The following FRMD4A variants were observed in gnomAD, a reference collection of about 807,000 sequenced individuals.
FRMD4A encodes the protein FERM domain-containing protein 4A.
Under a neutral mutation model 129.1 loss-of-function variants are expected in FRMD4A, and 29 were observed. The ratio of observed to expected loss-of-function variants is 0.22; its 90% confidence interval spans 0.17 to 0.31. The LOEUF is 0.31. FRMD4A is among the 10% of genes least tolerant of loss of function. FRMD4A has a pLI of 1.00. For synonymous variants in FRMD4A, 634 were observed against 571.6 expected (o/e 1.11, Z -1.56); for missense variants, 1,272 against 1,375.8 (o/e 0.92, Z 1.19).
intron 13 of FRMD4A, among the ~76,000 whole-genome samples, chr10:13,703,881 T>C (rs2087123126): frequency 6.6e-6 from 1 of 152,230 alleles, no homozygotes; most frequent in Non-Finnish European, 1.5e-5. Flanking sequence ...GGCGCACGCC[T>C]GTAGTCCCAG....
At chr10:13,904,140 G>A (rs572050420) in intron 2 of FRMD4A, among the ~76,000 whole-genome samples, 5 of 152,156 alleles carry the variant, frequency 3.3e-5, no homozygotes, top group Non-Finnish European at 5.9e-5. Flanking sequence ...GAACAGATGC[G>A]GAAGTGGCCT....
At chr10:13,657,775 T>C (rs548195628) in intron 21 of FRMD4A, among the ~76,000 whole-genome samples, 1 of 142,772 alleles carries the variant, frequency 7.0e-6, no homozygotes, top group South Asian at 2.2e-4. Flanking sequence ...CACAGAAAGG[T>C]TTCGATTTCT....
intron 2 of FRMD4A, among the ~76,000 whole-genome samples, chr10:14,140,707 T>A (rs550607814): frequency 1.1e-4 from 17 of 152,182 alleles, no homozygotes; most frequent in Non-Finnish European, 1.9e-4. Context: ...CCATCTTCCC[T>A]CTATATGCTT....
chr10:14,164,361 T>A (rs187994922), intron 2 of FRMD4A, among the ~76,000 whole-genome samples: 159 of 152,306 alleles, frequency 1.0e-3, no homozygotes, highest in African/African-American at 3.5e-3. Flanking sequence ...CGGGTCCCTG[T>A]GCTCTCCTCT....
In FRMD4A at chr10:14,029,345, G is replaced by A. The variant is rs568490377; in HGVS notation, c.46-170433C>T. 1.2e-4 allele frequency among the ~76,000 whole-genome samples: 18 copies of A among 152,124 alleles called. No homozygotes were observed. The South Asian group carries it at 1.7e-3, about 14-fold the overall frequency. ...TCCCTAGGGAAACGGTGGGCAGATC[G>A]TTCTTCTAGAGAGAGTATTATAGAT... On this transcript the variant is annotated intron_variant, in intron 2 of 24. Coordinates refer to ENST00000357447, the MANE Select transcript of FRMD4A (RefSeq NM_018027.5).
At chr10:14,172,471 C>G (rs1374527486) in intron 2 of FRMD4A, among the ~76,000 whole-genome samples, 1 of 152,148 alleles carries the variant, frequency 6.6e-6, no homozygotes. Context: ...TTACGCAGAG[C>G]CTGGGTCCTG....
rs139187768 is a variant in FRMD4A, at chr10:14,127,713, C to T, written c.45+202345G>A. 2.1e-3 allele frequency among the ~76,000 whole-genome samples: 315 copies of T among 152,228 alleles called. 1 individual carries two copies. The highest frequency in any genetic ancestry group is 7.1e-3 in the African/African-American group (296 of 41,560). On this transcript the variant is annotated intron_variant, in intron 2 of 24. Transcript: ENST00000357447. ...ATATCCCCACTGAACCACTCATTAA[C>T]GTTTAAAATGGGCATGTTTTCTCTG...
intron 2 of FRMD4A, among the ~76,000 whole-genome samples, chr10:14,092,827 G>T (rs789767): frequency 0.45 from 68,083 of 151,956 alleles, 15,473 homozygotes; most frequent in East Asian, 0.69. Context: ...TGGAGACTCT[G>T]GCCACAGCAA....
chr10:14,189,988 C>T (rs918248426), intron 2 of FRMD4A, among the ~76,000 whole-genome samples: 1 of 152,180 alleles, frequency 6.6e-6, no homozygotes, highest in East Asian at 1.9e-4. Context: ...CATGAAGCAC[C>T]TTGATACCTC....
intron 13 of FRMD4A, among the ~76,000 whole-genome samples, chr10:13,702,569 C>CAT (rs2086946129): frequency 6.9e-6 from 1 of 145,588 alleles, no homozygotes; most frequent in Non-Finnish European, 1.5e-5. Flanking sequence ...TGTGTGTGTG[C>CAT]GCATGCATGT....
intron 2 of FRMD4A, among the ~76,000 whole-genome samples, chr10:13,860,981 G>A (rs1419930071): frequency 2.6e-5 from 4 of 152,102 alleles, no homozygotes; most frequent in African/African-American, 7.2e-5. Flanking sequence ...TAAGAATAAC[G>A]CTGACATTTC....
chr10:14,117,170 T>C (rs1838240455), intron 2 of FRMD4A, among the ~76,000 whole-genome samples: 2 of 152,242 alleles, frequency 1.3e-5, no homozygotes, highest in Admixed American at 1.3e-4. Context: ...AAGTTTGTCT[T>C]GGTGTCTTCT....
At chr10:13,681,310 C>T (rs996713580) in intron 15 of FRMD4A, among the ~76,000 whole-genome samples, 18 of 152,082 alleles carry the variant, frequency 1.2e-4, no homozygotes, top group African/African-American at 4.1e-4. Context: ...ATCAACAGAC[C>T]GAAGCAAATA....
chr10:14,317,166 T>C (rs1846771194), intron 2 of FRMD4A, among the ~76,000 whole-genome samples: 1 of 152,206 alleles, frequency 6.6e-6, no homozygotes, highest in Admixed American at 6.5e-5. Flanking sequence ...TTAAAATCAT[T>C]GATGACTATT....
chr10:13,800,050 C>T lies in FRMD4A; in HGVS notation c.207-3462G>A, dbSNP rs187404363. 1.1e-3 allele frequency among the ~76,000 whole-genome samples: 166 copies of T among 151,964 alleles called. 1 individual carries two copies. The highest frequency in any genetic ancestry group is 3.5e-3 in the African/African-American group (144 of 41,460). ...TACAAAAATTAGCCAGGCGTGGTGGCACATGCCTGTAATCCCAGCTACTCA... is the reference window on the plus strand; with the variant it reads ...TACAAAAATTAGCCAGGCGTGGTGGTACATGCCTGTAATCCCAGCTACTCA... On this transcript the variant is annotated intron_variant, in intron 4 of 24. Coordinates refer to ENST00000357447, the MANE Select transcript of FRMD4A (RefSeq NM_018027.5).
At chr10:13,740,919 C>T (rs1455274923) in intron 9 of FRMD4A, among the ~76,000 whole-genome samples, 1 of 151,230 alleles carries the variant, frequency 6.6e-6, no homozygotes, top group Non-Finnish European at 1.5e-5. Context: ...CTCCACCTCC[C>T]GAGTTCAAGC....
intron 2 of FRMD4A, among the ~76,000 whole-genome samples, chr10:14,328,750 C>T (rs1843391392): frequency 6.6e-6 from 1 of 151,852 alleles, no homozygotes; most frequent in South Asian, 2.1e-4. Flanking sequence ...ATTTTAGTGC[C>T]AGCCATCATC....
At chr10:13,950,128 C>CTGGTCCTG (rs1188970053) in intron 2 of FRMD4A, among the ~76,000 whole-genome samples, 1 of 152,234 alleles carries the variant, frequency 6.6e-6, no homozygotes, top group Non-Finnish European at 1.5e-5. Flanking sequence ...CCACACACAG[C>CTGGTCCTG]TGGTCCTGTG....
intron 2 of FRMD4A, among the ~76,000 whole-genome samples, chr10:13,957,208 A>C (rs924817222): frequency 4.6e-5 from 7 of 152,212 alleles, no homozygotes; most frequent in African/African-American, 1.7e-4. Context: ...CAGAGACCTT[A>C]GGGAGGTTAC....
Sources: gnomAD v4.1 joint callset for allele counts (sites outside exome capture counted in the v4.1 genomes callset) on GRCh38, gnomAD v4.1.1 for gene constraint, MANE v1.5 for transcripts, NCBI Gene and HGNC (gene_info 2026-07-23, HGNC 2026-07-21) for gene names.